Variants in ZNF644 observed in about 807,000 individuals in gnomAD.
ZNF644 encodes the protein zinc finger protein 644, also known as zinc finger motif enhancer binding protein 2.
A neutral mutation model predicts 108.0 loss-of-function variants in ZNF644; 20 were observed. The ratio of observed to expected loss-of-function variants is 0.19; its 90% CI spans 0.13 to 0.27. The LOEUF is 0.27. Ranked by LOEUF, ZNF644 falls within the 10% of genes least tolerant of loss-of-function variation. ZNF644 has a pLI of 1.00. For synonymous variants in ZNF644, 542 were observed against 539.1 expected, an observed-to-expected ratio of 1.01 and a Z score of -0.08; for missense variants, 1,338 against 1,548.9, an observed-to-expected ratio of 0.86 and a Z score of 2.29.
chr1:90,919,569 A>C (rs759518142), intron 4 of ZNF644, among the ~76,000 whole-genome samples: 4 of 152,122 alleles, frequency 2.6e-5, no homozygotes, highest in African/African-American at 4.8e-5. Context: ...CAAAAGTAAA[A>C]TCTAGGACAC....
rs184853673 is a variant in ZNF644 at position 90,984,673 on chromosome 1, G to A, written c.-17-2303C>T. Among the ~76,000 whole-genome samples the A allele has an allele frequency of 1.7e-3, 256 of 152,278 alleles. 2 individuals carry two copies. Among genetic ancestry groups the A allele is most frequent in the African/African-American group, 6.0e-3 (248 of 41,556 alleles). On this transcript the variant is annotated intron_variant, in intron 1 of 5. Coordinates refer to ENST00000337393, the MANE Select transcript of ZNF644 (RefSeq NM_201269.3). ...TTCCCAAAGTTCTGGGATTACAGGC[G>A]TGAGCCACCACGCCCAGCCTGACTG...
chr1:90,958,756 G>A (rs2101108260), intron 2 of ZNF644, among the ~76,000 whole-genome samples: 1 of 152,264 alleles, frequency 6.6e-6, no homozygotes, highest in East Asian at 1.9e-4. Context: ...TGGGACAACT[G>A]GATAACCACG....
chr1:91,002,623 A>G (rs1213423767), intron 1 of ZNF644, among the ~76,000 whole-genome samples: 1 of 152,148 alleles, frequency 6.6e-6, no homozygotes, highest in Non-Finnish European at 1.5e-5. Flanking sequence ...GCATGGGTAA[A>G]GACTTCATGT....
Position 91,021,978 on chromosome 1 carries a change from C to T in ZNF644, c.-18+12G>A. The T allele has an allele frequency of 2.5e-6, 1 of 398,986 alleles. No individual in the cohort carries two copies. Among genetic ancestry groups the T allele is most frequent in the East Asian group, 3.6e-5 (1 of 28,054 alleles). 24.7% of individuals were successfully genotyped at this position (398,986 alleles called of 1,614,324 possible). On this transcript the variant is annotated intron_variant, in intron 1 of 5. Transcript: ENST00000337393. ...TCCCAGCGAATCTGACCAAATAACC[C>T]CTGAAACTCACAGTTTGGTGCCGTG...
chr1:91,012,922 T>C (rs768741541), intron 1 of ZNF644, among the ~76,000 whole-genome samples: 11 of 152,204 alleles, frequency 7.2e-5, no homozygotes, highest in Admixed American at 1.3e-4. Context: ...TCTTTATCAA[T>C]CTCCATCATA....
chr1:90,963,132 G>T (rs915769986), intron 2 of ZNF644, among the ~76,000 whole-genome samples: 13 of 152,024 alleles, frequency 8.6e-5, no homozygotes, highest in African/African-American at 3.1e-4. Flanking sequence ...GAAAAATAGG[G>T]CTGTATGTAT....
chr1:90,959,618 A>G lies in ZNF644; in HGVS notation c.45-18309T>C, dbSNP rs147253922. On this transcript the variant is annotated intron_variant, in intron 2 of 5. Coordinates refer to ENST00000337393, the MANE Select transcript of ZNF644 (RefSeq NM_201269.3). The stretch of plus-strand genomic sequence containing the variant: ...CCAAGTAAAAGAAGCCAGACACAAA[A>G]AGTCACATATTCTATGGTTTCTTTC... 2.7e-3 allele frequency among the ~76,000 whole-genome samples: 405 copies of G among 152,322 alleles called. 2 individuals are homozygous for G. The highest frequency in any genetic ancestry group is 9.3e-3 in the African/African-American group (387 of 41,576).
chr1:90,943,982 CTTA>C (rs1309713917), intron 2 of ZNF644, among the ~76,000 whole-genome samples: 3 of 152,318 alleles, frequency 2.0e-5, no homozygotes, highest in South Asian at 2.1e-4. Flanking sequence ...TCCGTTCCCA[CTTA>C]TTATAATCAC....
chr1:90,958,293 G>A (rs1237262292), intron 2 of ZNF644, among the ~76,000 whole-genome samples: 4 of 145,538 alleles, frequency 2.7e-5, no homozygotes, highest in African/African-American at 1.0e-4. Context: ...AGACTTGTGC[G>A]CTAAAAACTA....
intron 2 of ZNF644, among the ~76,000 whole-genome samples, chr1:90,968,622 G>A (rs920006258): frequency 6.6e-6 from 1 of 152,072 alleles, no homozygotes; most frequent in Non-Finnish European, 1.5e-5. Context: ...AATTTTAACA[G>A]ACAGTACAAA....
intron 2 of ZNF644, among the ~76,000 whole-genome samples, chr1:90,951,506 GCT>G (rs1275409897): frequency 6.6e-6 from 1 of 152,102 alleles, no homozygotes; most frequent in Non-Finnish European, 1.5e-5. Flanking sequence ...CAGATGGAAT[GCT>G]CTTTCTCCCA....
chr1:90,998,093 C>T (rs1658354798), intron 1 of ZNF644, among the ~76,000 whole-genome samples: 1 of 152,200 alleles, frequency 6.6e-6, no homozygotes, highest in Non-Finnish European at 1.5e-5. Flanking sequence ...GGAGGCCTGC[C>T]TGCCTCTGTA....
chr1:90,997,759 G>A (rs1424724463), intron 1 of ZNF644, among the ~76,000 whole-genome samples: 1 of 152,224 alleles, frequency 6.6e-6, no homozygotes, highest in Non-Finnish European at 1.5e-5. Flanking sequence ...CCTCACCCGG[G>A]AAGTGCAAGG....
In ZNF644 at chr1:90,939,377, T is replaced by C. The variant is rs774985760; in HGVS notation, c.1977A>G (p.Gln659=). ...TTGATCCAAATGTTCGCTTCACATC[T>C]TGTTTTAAAGCAGAGTTCTTTGGAA... ...TTFPKNSALK[Q]DVKRTFGSTS... The change falls in exon 3 of 6, where the codon CAA becomes CAG. Residue 659 remains glutamine, a synonymous_variant. Coordinates refer to ENST00000337393, the MANE Select transcript of ZNF644 (RefSeq NM_201269.3). The C allele has an allele frequency of 2.5e-6, 4 of 1,613,968 alleles. No homozygotes were observed. The highest frequency in any genetic ancestry group is 3.4e-6 in the Non-Finnish European group (4 of 1,179,968).
intron 2 of ZNF644, among the ~76,000 whole-genome samples, chr1:90,941,582 C>T (rs998897965): frequency 6.6e-6 from 1 of 152,048 alleles, no homozygotes; most frequent in Non-Finnish European, 1.5e-5. Flanking sequence ...CACAAACACA[C>T]TAGGGAAAAG....
chr1:90,953,118 T>C (rs974211435), intron 2 of ZNF644, among the ~76,000 whole-genome samples: 8 of 151,458 alleles, frequency 5.3e-5, no homozygotes, highest in Non-Finnish European at 1.2e-4. Flanking sequence ...AAATAGTATC[T>C]CATAAAACAT....
Position 91,016,300 on chromosome 1 carries a change from T to C in ZNF644, c.-18+5690A>G, listed in dbSNP as rs144122875. Reference sequence around the variant, plus strand: ...CAGTCATACATCACTTAAGCATGGATGTACATTCTGAGAGATGCATTCTTA... The same window carrying C: ...CAGTCATACATCACTTAAGCATGGACGTACATTCTGAGAGATGCATTCTTA... On this transcript the variant is annotated intron_variant, in intron 1 of 5. Transcript: ENST00000337393. Among the ~76,000 whole-genome samples the C allele has an allele frequency of 6.0e-3, 917 of 152,330 alleles. 12 individuals are homozygous for C. The highest frequency in any genetic ancestry group is 0.02 in the Middle Eastern group (6 of 294).
chr1:90,977,360 G>T (rs947134633), intron 2 of ZNF644, among the ~76,000 whole-genome samples: 2 of 152,028 alleles, frequency 1.3e-5, no homozygotes, highest in East Asian at 3.8e-4. Context: ...CAAATAATCT[G>T]ATTATTCAAT....
intron 2 of ZNF644, among the ~76,000 whole-genome samples, chr1:90,962,477 A>C (rs1172615562): frequency 6.6e-6 from 1 of 152,108 alleles, no homozygotes; most frequent in African/African-American, 2.4e-5. Flanking sequence ...TCTATGCCTC[A>C]CACATTATAC....
Sources: gnomAD v4.1 joint callset for allele counts (sites outside exome capture counted in the v4.1 genomes callset) on GRCh38, gnomAD v4.1.1 for gene constraint, MANE v1.5 for transcripts, NCBI Gene and HGNC (gene_info 2026-07-23, HGNC 2026-07-21) for gene names.